Variants in WDFY4 observed in about 807,000 individuals in gnomAD.
WDFY4 encodes the protein WD repeat- and FYVE domain-containing protein 4.
Under a neutral mutation model 351.9 loss-of-function variants are expected in WDFY4, and 169 were observed. That is an observed-to-expected ratio of 0.48 (90% CI 0.42 to 0.55). The LOEUF is 0.55. WDFY4 is among the 20% of genes least tolerant of loss of function. The probability of loss-of-function intolerance (pLI) is 0.00; values close to 1 mark genes in which losing one functional copy is unlikely to be tolerated. For synonymous variants in WDFY4, 1,622 were observed against 1,574.6 expected, an observed-to-expected ratio of 1.03 and a Z score of -0.71; for missense variants, 3,803 against 3,935.6, an observed-to-expected ratio of 0.97 and a Z score of 0.90.
At chr10:48,892,633 T>A (rs1836871065) in intron 44 of WDFY4, among the ~76,000 whole-genome samples, 1 of 152,206 alleles carries the variant, frequency 6.6e-6, no homozygotes, top group Non-Finnish European at 1.5e-5. Flanking sequence ...AAGTCTTATT[T>A]TGACCATGGA....
chr10:48,835,784 A>AT (rs1346701327), intron 39 of WDFY4, among the ~76,000 whole-genome samples: 1 of 152,060 alleles, frequency 6.6e-6, no homozygotes, highest in East Asian at 1.9e-4. Flanking sequence ...CTTCAATTTG[A>AT]TTTTTTCTTT....
chr10:48,847,728 T>C lies in WDFY4; in HGVS notation c.6663+15019T>C, dbSNP rs569827945. ...AGATGGCTTCCTTGAGAAGGCATGG[T>C]GCCTGCAATTTTAAAGGATTTGTCT... is the stretch of plus-strand genomic sequence containing the variant. On this transcript the variant is annotated intron_variant, in intron 39 of 61. Transcript: ENST00000325239. Among the ~76,000 whole-genome samples the C allele has an allele frequency of 7.9e-5, 12 of 152,342 alleles. No homozygotes were observed. In the South Asian group the frequency reaches 2.5e-3, roughly 32 times the overall value.
In WDFY4 at chr10:48,897,497, T is replaced by C; in HGVS notation, c.7360T>C (p.Ser2454Pro). The C allele has an allele frequency of 6.4e-7, 1 of 1,551,660 alleles. No individual in the cohort carries two copies. The highest frequency in any genetic ancestry group is 8.7e-7 in the Non-Finnish European group (1 of 1,147,040). The part of the protein sequence containing the change: ...FIFNLCSKDR[S>P]TDHYSCQCHS... The stretch of plus-strand genomic sequence containing the variant: ...TTTCAACCTGTGCAGCAAAGACAGG[T>C]CCACTGACCATTACTCGTGCCAGTG... Residue 2454 changes from serine to proline, a missense_variant, in exon 45 of 62, where the codon TCC becomes CCC. Ser to Pro is a moderately conservative substitution (Grantham distance 74). Coordinates refer to ENST00000325239, the MANE Select transcript of WDFY4 (RefSeq NM_001394531.1).
rs1841070667 is a variant in WDFY4, at chr10:48,946,894, C to T, written c.7902C>T (p.His2634=). Residue 2634 remains histidine, a synonymous_variant, in exon 51 of 62, where the codon CAC becomes CAT. Transcript: ENST00000325239. ...CTGTCCAGTGCCACTACTACACCCA[C>T]TACTCCTCGGCCATCATCGTGGCCT... ...DMTVQCHYYT[H]YSSAIIVASY... The T allele has an allele frequency of 6.4e-7, 1 of 1,551,982 alleles. No individual in the cohort carries two copies. Among genetic ancestry groups the T allele is most frequent in the Admixed American group, 2.0e-5 (1 of 50,982 alleles).
chr10:48,877,117 A>T lies in WDFY4; in HGVS notation c.7085A>T (p.His2362Leu), dbSNP rs759570261. The change falls in exon 43 of 62, where the codon CAC becomes CTC. Residue 2362 changes from histidine (H) to leucine (L), a missense_variant. His to Leu is a moderately conservative substitution (Grantham distance 99). Transcript: ENST00000325239. The part of the protein sequence containing the change: ...CTQLTFFPAL[H>L]ESLHSEDFLE... ...CAGCTGACCTTCTTCCCAGCCTTAC[A>T]CGAAAGTCTGCACTCAGAAGACTTC... The T allele has an allele frequency of 1.3e-6, 2 of 1,550,294 alleles. No individual in the cohort carries two copies. The highest frequency in any genetic ancestry group is 1.2e-5 in the South Asian group (1 of 83,662).
chr10:48,905,575 T>G (rs532867036), intron 47 of WDFY4, among the ~76,000 whole-genome samples: 1 of 152,336 alleles, frequency 6.6e-6, no homozygotes, highest in Admixed American at 6.5e-5. Context: ...TGGCACAGTC[T>G]CAGCACAGCT....
chr10:48,867,862 A>G (rs1161563479), intron 40 of WDFY4, among the ~76,000 whole-genome samples: 4 of 152,230 alleles, frequency 2.6e-5, no homozygotes, highest in African/African-American at 9.6e-5. Context: ...ACCCTGTTGA[A>G]TATATTATTT....
Position 48,806,098 on chromosome 10 carries a change from GAGA to G in WDFY4, c.4738+7_4738+9del, listed in dbSNP as rs1341477508. ...AGCCCTGGACCCTTCCCTGCCTGGT[GAGA>G]AGACCTTTGCCAGTTCGAAGGCAGT... On this transcript the variant is annotated splice_donor_5th_base_variant and intron_variant, in intron 27 of 61. Coordinates refer to ENST00000325239, the MANE Select transcript of WDFY4 (RefSeq NM_001394531.1). 2 of 1,551,654 alleles carry G rather than the reference GAGA, an allele frequency of 1.3e-6. No homozygotes were observed. The highest frequency in any genetic ancestry group is 1.7e-6 in the Non-Finnish European group (2 of 1,146,972).
chr10:48,778,600 T>C lies in WDFY4; in HGVS notation c.3176-11T>C, dbSNP rs575024577. The C allele has an allele frequency of 6.5e-6, 10 of 1,549,844 alleles. No individual in the cohort carries two copies. Among genetic ancestry groups the C allele is most frequent in the Non-Finnish European group, 7.0e-6 (8 of 1,146,868 alleles). On this transcript the variant is annotated splice_polypyrimidine_tract_variant and intron_variant, in intron 17 of 61. Coordinates refer to ENST00000325239, the MANE Select transcript of WDFY4 (RefSeq NM_001394531.1). The stretch of plus-strand genomic sequence containing the variant: ...AACAAAGCCTGAGGGCATGCCTGTG[T>C]TCCCACCCAGGTGCCACCAGACCGT...
In WDFY4 at chr10:48,822,392, C is replaced by T. The variant is rs948556623; in HGVS notation, c.5837C>T (p.Pro1946Leu). The change falls in exon 35 of 62, where the codon CCT (proline) becomes CTT (leucine). Residue 1946 changes from proline to leucine, a missense_variant. Coordinates refer to ENST00000325239, the MANE Select transcript of WDFY4 (RefSeq NM_001394531.1). ...CCTCACTCCACAGACGGCAAAGAGC[C>T]TCAGCCAAGTGCAGAAGCTGCTGCT... ...DAAMFRDGKE[P>L]QPSAEAAAAP... 3.2e-6 allele frequency: 5 copies of T among 1,546,842 alleles called. No homozygotes were observed. In the Admixed American group the frequency reaches 9.9e-5, roughly 31 times the overall value.
At position 48,774,527 on chromosome 10, in the gene WDFY4, C is replaced by T. The variant is rs2065965813; in HGVS notation, c.2623C>T (p.Gln875Ter). The change falls in exon 14 of 62, where the codon CAG (glutamine) becomes TAG (stop). Residue 875 changes from glutamine to a stop codon, truncating the protein, a stop_gained. Coordinates refer to ENST00000325239, the MANE Select transcript of WDFY4 (RefSeq NM_001394531.1). LOFTEE classifies it high-confidence loss of function. Reference sequence around the variant, plus strand: ...CCTGGTGAAGTCGGAGAAGAACCGCCAGGTCATGTGCGAAGCAGGCTTGCT... The same window carrying T: ...CCTGGTGAAGTCGGAGAAGAACCGCTAGGTCATGTGCGAAGCAGGCTTGCT... ...QSLVKSEKNR[Q>*]VMCEAGLLGT... 6.4e-7 allele frequency: 1 copy of T among 1,551,604 alleles called. No individual in the cohort carries two copies. The highest frequency in any genetic ancestry group is 1.2e-5 in the South Asian group (1 of 84,066).
At chr10:48,977,042 C>G in intron 59 of WDFY4, 63 bp downstream of exon 59, 2 of 1,300,644 alleles carry the variant, frequency 1.5e-6, no homozygotes, top group African/African-American at 1.5e-5. Flanking sequence ...CCATTCTTCT[C>G]ACTTCCTCCA....
chr10:48,972,157 T>C (rs1389412966), intron 57 of WDFY4, among the ~76,000 whole-genome samples: 1 of 152,180 alleles, frequency 6.6e-6, no homozygotes, highest in African/African-American at 2.4e-5. Flanking sequence ...ATAAAACACT[T>C]TATCACTTAC....
chr10:48,963,788 T>C, intron 53 of WDFY4, 54 bp from the exon 54 acceptor site: 1 of 1,513,388 alleles, frequency 6.6e-7, no homozygotes, highest in Non-Finnish European at 9.0e-7. Context: ...GTGCAGCGAG[T>C]GCATGAGTCC....
At chr10:48,871,908 C>T (rs1157228458) in intron 40 of WDFY4, among the ~76,000 whole-genome samples, 1 of 152,232 alleles carries the variant, frequency 6.6e-6, no homozygotes, top group Non-Finnish European at 1.5e-5. Context: ...AGTGATAACA[C>T]TGATTACTTA....
At chr10:48,947,025 C>CA in intron 51 of WDFY4, 56 bp downstream of exon 51, 5 of 1,303,204 alleles carry the variant, frequency 3.8e-6, no homozygotes, top group Non-Finnish European at 5.4e-6. Context: ...CACACATACG[C>CA]CTGTATCACA....
At chr10:48,792,767 T>C (rs1025357499) in intron 23 of WDFY4, among the ~76,000 whole-genome samples, 3 of 152,186 alleles carry the variant, frequency 2.0e-5, no homozygotes, top group Non-Finnish European at 2.9e-5. Flanking sequence ...AACTACTACA[T>C]GCTTTGTGAC....
At chr10:48,961,846 G>A (rs1390650728) in intron 53 of WDFY4, among the ~76,000 whole-genome samples, 1 of 151,996 alleles carries the variant, frequency 6.6e-6, no homozygotes, top group Non-Finnish European at 1.5e-5. Flanking sequence ...TTTTTTACAA[G>A]AGGACAGAGG....
intron 43 of WDFY4, among the ~76,000 whole-genome samples, chr10:48,888,316 T>C (rs2070552118): frequency 7.1e-6 from 1 of 141,138 alleles, no homozygotes; most frequent in African/African-American, 2.6e-5. Flanking sequence ...TTCCTTCCTT[T>C]CTTCCTTCTT....
Sources: gnomAD v4.1 joint callset for allele counts (sites outside exome capture counted in the v4.1 genomes callset) on GRCh38, gnomAD v4.1.1 for gene constraint, MANE v1.5 for transcripts, NCBI Gene and HGNC (gene_info 2026-07-23, HGNC 2026-07-21) for gene names.